Variants in FOXO3 observed in about 807,000 individuals in gnomAD.
The protein encoded by FOXO3 is forkhead box protein O3.
Under a neutral mutation model 41.9 loss-of-function variants are expected in FOXO3, and 4 were observed. The observed-to-expected ratio is 0.10, with a 90% CI of 0.05 to 0.22. The LOEUF is 0.22. FOXO3 is among the 10% of genes least tolerant of loss of function. The pLI is 1.00. For synonymous variants in FOXO3, 318 were observed against 389.3 expected (o/e 0.82, Z 2.16); for missense variants, 534 against 906.8 (o/e 0.59, Z 5.28).
In FOXO3 at chr6:108,561,703, G is replaced by A. The variant is rs149906214; in HGVS notation, c.495G>A (p.Leu165=). 4.0e-5 allele frequency: 65 copies of A among 1,612,248 alleles called. No individual in the cohort carries two copies. The highest frequency in any genetic ancestry group is 5.4e-5 in the Non-Finnish European group (64 of 1,179,514). Residue 165 remains leucine (L), a synonymous_variant, in exon 1 of 3, where the codon CTG becomes CTA. Coordinates refer to ENST00000406360, the MANE Select transcript of FOXO3 (RefSeq NM_001455.4). The part of the protein sequence containing the change: ...NAWGNLSYAD[L]ITRAIESSPD... ...GGGGAAACCTGTCCTACGCGGACCT[G>A]ATCACCCGCGCCATCGAGAGCTCCC... is the stretch of plus-strand genomic sequence containing the variant.
chr6:108,636,448 T>C (rs991588031), intron 1 of FOXO3, among the ~76,000 whole-genome samples: 5 of 152,086 alleles, frequency 3.3e-5, no homozygotes, highest in Non-Finnish European at 7.4e-5. Context: ...CCTTCGGGAA[T>C]AGAACAAACC....
intron 1 of FOXO3, among the ~76,000 whole-genome samples, chr6:108,562,430 TATATTG>T (rs1775832531): frequency 6.6e-6 from 1 of 152,122 alleles, no homozygotes; most frequent in South Asian, 2.1e-4. Flanking sequence ...TTTCCTTGCC[TATATTG>T]ATACCTTTTC....
At chr6:108,671,873 C>T (rs949418395) in intron 2 of FOXO3, among the ~76,000 whole-genome samples, 7 of 152,182 alleles carry the variant, frequency 4.6e-5, no homozygotes, top group Non-Finnish European at 1.0e-4. Flanking sequence ...GGCTGTTAAA[C>T]GAAACTAATG....
intron 1 of FOXO3, among the ~76,000 whole-genome samples, chr6:108,599,544 A>ACTTCC (rs1283009214): frequency 9.2e-5 from 14 of 152,322 alleles, no homozygotes; most frequent in African/African-American, 3.1e-4. Context: ...TGTTTCCACA[A>ACTTCC]ACATGCTTCT....
chr6:108,575,010 G>A (rs1776223085), intron 1 of FOXO3, among the ~76,000 whole-genome samples: 1 of 152,170 alleles, frequency 6.6e-6, no homozygotes, highest in Non-Finnish European at 1.5e-5. Context: ...GGAGGCAGCT[G>A]CAGTAGAAGT....
chr6:108,660,073 G>A (rs1348857363), intron 1 of FOXO3, among the ~76,000 whole-genome samples: 1 of 152,180 alleles, frequency 6.6e-6, no homozygotes. Context: ...CGCAGAGGGG[G>A]CTGGACAGAG....
rs191508479 is a variant in FOXO3, at chr6:108,621,745, T to A, written c.622-41710T>A. ...TTTCAGAAGTATGTGGGAGAGAAAA[T>A]TGAAGGTGAGAGGTCTGTAGCTCTC... On this transcript the variant is annotated intron_variant, in intron 1 of 2. Coordinates refer to ENST00000406360, the MANE Select transcript of FOXO3 (RefSeq NM_001455.4). Among the ~76,000 whole-genome samples the A allele has an allele frequency of 1.5e-3, 235 of 151,872 alleles. 1 individual carries two copies. Among genetic ancestry groups the A allele is most frequent in the Admixed American group, 0.014 (213 of 15,266 alleles).
intron 1 of FOXO3, among the ~76,000 whole-genome samples, chr6:108,611,032 C>T (rs551325930): frequency 6.6e-6 from 1 of 152,182 alleles, no homozygotes; most frequent in African/African-American, 2.4e-5. Context: ...CTCTCCCTCC[C>T]CCTACCCACC....
chr6:108,648,013 G>A (rs554697330), intron 1 of FOXO3, among the ~76,000 whole-genome samples: 1 of 152,298 alleles, frequency 6.6e-6, no homozygotes, highest in South Asian at 2.1e-4. Flanking sequence ...AGTGGAAAGA[G>A]GAGGGAATCC....
At chr6:108,639,849 T>C (rs1178387295) in intron 1 of FOXO3, among the ~76,000 whole-genome samples, 1 of 152,200 alleles carries the variant, frequency 6.6e-6, no homozygotes, top group Non-Finnish European at 1.5e-5. Context: ...TAAATATTTA[T>C]TGAACACAAT....
chr6:108,666,362 G>A (rs2128388369), intron 2 of FOXO3, among the ~76,000 whole-genome samples: 1 of 151,604 alleles, frequency 6.6e-6, no homozygotes, highest in Admixed American at 6.6e-5. Flanking sequence ...TTGAGATGGA[G>A]TCTTGCTCTG....
chr6:108,658,161 A>G (rs1427448985), intron 1 of FOXO3, among the ~76,000 whole-genome samples: 2 of 152,192 alleles, frequency 1.3e-5, no homozygotes, highest in Admixed American at 6.5e-5. Context: ...TATTTCTGGC[A>G]TCTGATTTTG....
At chr6:108,635,718 A>G (rs1427695185) in intron 1 of FOXO3, among the ~76,000 whole-genome samples, 1 of 152,186 alleles carries the variant, frequency 6.6e-6, no homozygotes, top group Non-Finnish European at 1.5e-5. Context: ...GTACAGTTGC[A>G]TAATGGGGGA....
intron 2 of FOXO3, among the ~76,000 whole-genome samples, chr6:108,674,590 G>A (rs554934781): frequency 6.6e-6 from 1 of 152,320 alleles, no homozygotes; most frequent in East Asian, 1.9e-4. Flanking sequence ...CTTAAGAATT[G>A]AGTCAAGGAT....
Position 108,684,081 on chromosome 6 carries a change from A to C in FOXO3, c.*4289A>C, listed in dbSNP as rs994695918. On this transcript the variant is annotated 3_prime_UTR_variant, in exon 3 of 3. Coordinates refer to ENST00000406360, the MANE Select transcript of FOXO3 (RefSeq NM_001455.4). ...ATCTGTTTGTATTTTTCTTTGATGA[A>C]TGATTGGTCATGAGGCCTCTTGCCA... The C allele has an allele frequency of 2.6e-5, 4 of 152,576 alleles. No homozygotes were observed. The highest frequency in any genetic ancestry group is 7.2e-5 in the African/African-American group (3 of 41,428). 9.5% of individuals were successfully genotyped at this position (152,576 alleles called of 1,614,324 possible).
chr6:108,661,080 G>A (rs1227226334), intron 1 of FOXO3, among the ~76,000 whole-genome samples: 8 of 151,066 alleles, frequency 5.3e-5, no homozygotes, highest in Non-Finnish European at 1.5e-5. Context: ...AAGAAAATAC[G>A]AAAATACAAA....
At chr6:108,589,779 T>A (rs1264487490) in intron 1 of FOXO3, among the ~76,000 whole-genome samples, 1 of 152,244 alleles carries the variant, frequency 6.6e-6, no homozygotes, top group Non-Finnish European at 1.5e-5. Flanking sequence ...TTACACAGTG[T>A]TGCCTTTTGC....
At chr6:108,663,208 CAAA>C in intron 1 of FOXO3, among the ~76,000 whole-genome samples, 1 of 152,198 alleles carries the variant, frequency 6.6e-6, no homozygotes, top group African/African-American at 2.4e-5. Flanking sequence ...CCCATCTGTA[CAAA>C]AAATACAACA....
At chr6:108,587,280 G>A (rs1037340082) in intron 1 of FOXO3, among the ~76,000 whole-genome samples, 6 of 152,022 alleles carry the variant, frequency 3.9e-5, no homozygotes, top group African/African-American at 1.4e-4. Flanking sequence ...ACCTCTACCA[G>A]GGTCTCTGTT....
Sources: gnomAD v4.1 joint callset for allele counts (sites outside exome capture counted in the v4.1 genomes callset) on GRCh38, gnomAD v4.1.1 for gene constraint, MANE v1.5 for transcripts, NCBI Gene and HGNC (gene_info 2026-07-23, HGNC 2026-07-21) for gene names.